Variants in GPC5 observed in about 807,000 individuals in gnomAD.
The protein encoded by GPC5 is glypican 5.
In GPC5, 47 loss-of-function variants were observed where a neutral mutation model predicts 53.9. The ratio of observed to expected loss-of-function variants is 0.87; its 90% confidence interval spans 0.69 to 1.11. GPC5 has a LOEUF of 1.11. Ranked by LOEUF, GPC5 falls within the 50% of genes most tolerant of loss-of-function variation. The pLI is 0.00. For synonymous variants in GPC5, 286 were observed against 263.3 expected, an observed-to-expected ratio of 1.09 and a Z score of -0.84; for missense variants, 748 against 713.1, an observed-to-expected ratio of 1.05 and a Z score of -0.56.
chr13:91,480,528 C>A (rs1025023732), intron 2 of GPC5, among the ~76,000 whole-genome samples: 1 of 152,194 alleles, frequency 6.6e-6, no homozygotes, highest in Admixed American at 6.5e-5. Flanking sequence ...CTAAAAGGCT[C>A]TTTTGTAAAA....
intron 7 of GPC5, among the ~76,000 whole-genome samples, chr13:92,295,410 T>A (rs543452984): frequency 1.7e-4 from 26 of 152,274 alleles, no homozygotes; most frequent in African/African-American, 5.5e-4. Flanking sequence ...TTTTTTAAAA[T>A]TTATTGAGGC....
intron 5 of GPC5, among the ~76,000 whole-genome samples, chr13:91,889,137 C>A (rs1312853271): frequency 1.3e-5 from 2 of 152,158 alleles, no homozygotes; most frequent in Non-Finnish European, 2.9e-5. Flanking sequence ...TATCTTCTAT[C>A]TTCTAAGGAG....
intron 7 of GPC5, among the ~76,000 whole-genome samples, chr13:92,153,118 C>T (rs566075054): frequency 2.6e-5 from 4 of 152,064 alleles, no homozygotes; most frequent in Admixed American, 2.6e-4. Flanking sequence ...TATAGGTGTA[C>T]TCATTTAATT....
chr13:91,729,028 T>C lies in GPC5; in HGVS notation c.1154+363T>C, dbSNP rs141134988. Among the ~76,000 whole-genome samples, 985 of 152,324 alleles carry C rather than the reference T, an allele frequency of 6.5e-3. 10 individuals are homozygous for C. The highest frequency in any genetic ancestry group is 0.023 in the African/African-American group (944 of 41,572). On this transcript the variant is annotated intron_variant, in intron 4 of 7. Coordinates refer to ENST00000377067, the MANE Select transcript of GPC5 (RefSeq NM_004466.6). ...GTGGCTACTGACTGATGATTATAAT[T>C]TTAAATTGTAAATATGGCTAGTGGC...
chr13:92,393,569 A>C (rs1226871857), intron 7 of GPC5, among the ~76,000 whole-genome samples: 1 of 152,196 alleles, frequency 6.6e-6, no homozygotes, highest in Non-Finnish European at 1.5e-5. Flanking sequence ...GAATCACTTG[A>C]ACCGGGAAGG....
At chr13:92,597,420 G>A (rs766562681) in intron 7 of GPC5, among the ~76,000 whole-genome samples, 9 of 152,064 alleles carry the variant, frequency 5.9e-5, no homozygotes, top group Non-Finnish European at 8.8e-5. Flanking sequence ...TGCATCCTTC[G>A]AAGAGACTGT....
At chr13:92,622,477 C>A (rs1445209041) in intron 7 of GPC5, among the ~76,000 whole-genome samples, 3 of 152,130 alleles carry the variant, frequency 2.0e-5, no homozygotes, top group Non-Finnish European at 4.4e-5. Flanking sequence ...CCTACTAGGA[C>A]CTCGAATGTT....
intron 7 of GPC5, among the ~76,000 whole-genome samples, chr13:92,184,522 C>T (rs1054810477): frequency 1.3e-5 from 2 of 152,106 alleles, no homozygotes; most frequent in Admixed American, 6.6e-5. Context: ...TCAAAATTGT[C>T]TCCTTAAATA....
intron 2 of GPC5, among the ~76,000 whole-genome samples, chr13:91,667,502 G>A (rs1441656753): frequency 6.6e-6 from 1 of 152,158 alleles, no homozygotes; most frequent in African/African-American, 2.4e-5. Context: ...TGGTGAGTTC[G>A]AGCTGCAGCT....
chr13:92,283,174 T>C (rs985416020), intron 7 of GPC5, among the ~76,000 whole-genome samples: 2 of 152,214 alleles, frequency 1.3e-5, no homozygotes, highest in Non-Finnish European at 2.9e-5. Flanking sequence ...AAGGGATCAA[T>C]TCAATAAGAA....
chr13:92,448,150 A>G (rs563656142), intron 7 of GPC5: 122 of 152,282 alleles, frequency 8.0e-4, no homozygotes, highest in African/African-American at 2.7e-3. Context: ...TAAAGGAATT[A>G]AAGATGAATG....
intron 7 of GPC5, among the ~76,000 whole-genome samples, chr13:92,842,552 C>T (rs1793100189): frequency 6.6e-6 from 1 of 151,872 alleles, no homozygotes; most frequent in South Asian, 2.1e-4. Context: ...CCATGAACAA[C>T]TGATCAGAGC....
At chr13:92,708,428 G>A (rs986931270) in intron 7 of GPC5, among the ~76,000 whole-genome samples, 3 of 152,014 alleles carry the variant, frequency 2.0e-5, no homozygotes, top group African/African-American at 7.2e-5. Flanking sequence ...ACTGTACTAG[G>A]GTGCTTAAAA....
chr13:92,126,531 T>C (rs2041698784), intron 6 of GPC5, among the ~76,000 whole-genome samples: 1 of 152,214 alleles, frequency 6.6e-6, no homozygotes, highest in Admixed American at 6.5e-5. Context: ...AACAAACTGC[T>C]GCTGATGGGC....
At chr13:92,147,390 TGA>T (rs2041875765) in intron 7 of GPC5, among the ~76,000 whole-genome samples, 1 of 151,994 alleles carries the variant, frequency 6.6e-6, no homozygotes, top group African/African-American at 2.4e-5. Context: ...TTTTTGTGTG[TGA>T]GTGTGTGTGC....
At chr13:91,800,746 T>G (rs1350529377) in intron 5 of GPC5, among the ~76,000 whole-genome samples, 2 of 152,166 alleles carry the variant, frequency 1.3e-5, no homozygotes, top group Admixed American at 1.3e-4. Flanking sequence ...TGTTTCTTTC[T>G]AAAGGTTTGG....
intron 6 of GPC5, among the ~76,000 whole-genome samples, chr13:91,971,112 G>A (rs538074108): frequency 2.0e-5 from 3 of 152,076 alleles, no homozygotes; most frequent in South Asian, 2.1e-4. Flanking sequence ...TTTTTTGGTT[G>A]GTAGACTATT....
At chr13:91,585,368 A>G (rs1172814827) in intron 2 of GPC5, among the ~76,000 whole-genome samples, 1 of 152,230 alleles carries the variant, frequency 6.6e-6, no homozygotes, top group Non-Finnish European at 1.5e-5. Context: ...TATTTGTAAT[A>G]CTCAAAAAGT....
intron 6 of GPC5, among the ~76,000 whole-genome samples, chr13:91,920,163 A>G (rs972721766): frequency 1.3e-5 from 2 of 152,244 alleles, no homozygotes; most frequent in African/African-American, 4.8e-5. Context: ...CAGACAGTAC[A>G]GAAGGAAATA....
Sources: gnomAD v4.1 joint callset for allele counts (sites outside exome capture counted in the v4.1 genomes callset) on GRCh38, gnomAD v4.1.1 for gene constraint, MANE v1.5 for transcripts, NCBI Gene and HGNC (gene_info 2026-07-23, HGNC 2026-07-21) for gene names.